The following BDP1 variants were observed in gnomAD, a reference collection of about 807,000 sequenced individuals.
BDP1 encodes the protein BDP1 general transcription factor IIIB subunit, also known as transcription factor TFIIIB component B'' homolog.
BDP1 carries 169 observed loss-of-function variants against 266.6 expected under a neutral mutation model. The observed-to-expected ratio is 0.63, with a 90% confidence interval of 0.56 to 0.72. BDP1 has a LOEUF of 0.72. Ranked by LOEUF, BDP1 falls within the 30% of genes least tolerant of loss-of-function variation. The pLI is 0.00. For missense variants in BDP1, 3,015 were observed against 3,053.8 expected (o/e 0.99, Z 0.30); for synonymous variants, 1,090 against 1,022.4 (o/e 1.07, Z -1.26).
At chr5:71,523,041 G>A in intron 24 of BDP1, 92 bp downstream of exon 24, 1 of 1,034,350 alleles carries the variant, frequency 9.7e-7, no homozygotes, top group South Asian at 1.8e-5. Context: ...ATTTTTGGGT[G>A]TTGAGTCCAT....
At chr5:71,457,320 T>C (rs2150338348) in intron 1 of BDP1, among the ~76,000 whole-genome samples, 1 of 151,854 alleles carries the variant, frequency 6.6e-6, no homozygotes, top group East Asian at 1.9e-4. Context: ...TTTTTTTTTT[T>C]TTTTAATTAG....
chr5:71,516,700 ACAT>A (rs1203388285), intron 21 of BDP1, among the ~76,000 whole-genome samples: 2 of 152,180 alleles, frequency 1.3e-5, no homozygotes, highest in African/African-American at 4.8e-5. Flanking sequence ...TATGTTAGTT[ACAT>A]CATTTTTGCT....
downstream of BDP1, among the ~76,000 whole-genome samples, chr5:71,572,718 C>G (rs1744308702): frequency 6.6e-6 from 1 of 152,128 alleles, no homozygotes; most frequent in Admixed American, 6.5e-5. Flanking sequence ...GTTTCCACGG[C>G]TTATTAAAAC....
chr5:71,509,496 A>T lies in BDP1; in HGVS notation c.2404A>T (p.Asn802Tyr), dbSNP rs1261230785. The change falls in exon 17 of 39, where the codon AAC becomes TAC. Residue 802 changes from asparagine to tyrosine, a missense_variant. Physicochemically the swap from Asn to Tyr is moderately radical, Grantham distance 143 (BLOSUM62 -2). This residue lies in a region of BDP1 where 2,383 missense variants were observed against 2,404.9 expected (regional missense o/e 0.99). Coordinates refer to ENST00000358731, the MANE Select transcript of BDP1 (RefSeq NM_018429.3). ...AGAGAATAATAAGGCAAATAAACTT[A>T]ACCAAGTCCCAATTCTAAGGACTCG... Reference protein sequence around the residue: ...VQENNKANKLNQVPILRTRFQ... With the variant: ...VQENNKANKLYQVPILRTRFQ... The T allele has an allele frequency of 1.3e-6, 2 of 1,590,480 alleles. No individual in the cohort carries two copies. Among genetic ancestry groups the T allele is most frequent in the East Asian group, 2.2e-5 (1 of 44,802 alleles).
intron 13 of BDP1, among the ~76,000 whole-genome samples, chr5:71,498,174 T>C (rs926426006): frequency 6.6e-6 from 1 of 152,144 alleles, no homozygotes; most frequent in Middle Eastern, 3.4e-3. Flanking sequence ...ATGGTCTCTG[T>C]CTCCTGACCT....
At chr5:71,513,461 T>C in intron 19 of BDP1, 54 bp downstream of exon 19, 1 of 1,039,880 alleles carries the variant, frequency 9.6e-7, no homozygotes, top group Admixed American at 2.4e-5. Flanking sequence ...TTTTTTTAAG[T>C]TATTAGGACT....
chr5:71,504,525 T>A, intron 15 of BDP1, 96 bp from the exon 16 acceptor site: 1 of 1,117,174 alleles, frequency 9.0e-7, no homozygotes, highest in Non-Finnish European at 1.3e-6. Flanking sequence ...ATGTTGAATT[T>A]TTTACCATTT....
At chr5:71,513,103 C>A in intron 18 of BDP1, 82 bp from the exon 19 acceptor site, 1 of 880,914 alleles carries the variant, frequency 1.1e-6, no homozygotes, top group Non-Finnish European at 1.8e-6. Context: ...ATGTTTACCG[C>A]CAGTCTCTAA....
chr5:71,491,168 G>A, intron 11 of BDP1, 37 bp downstream of exon 11: 1 of 1,586,830 alleles, frequency 6.3e-7, no homozygotes, highest in Non-Finnish European at 8.6e-7. Context: ...ATCCACATCT[G>A]TTGATTACTG....
rs144265146 is a variant in BDP1 at position 71,480,030 on chromosome 5, C to G, written c.1015-3812C>G. Among the ~76,000 whole-genome samples the G allele has an allele frequency of 3.3e-5, 5 of 152,050 alleles. No homozygotes were observed. The East Asian group carries it at 9.7e-4, about 30-fold the overall frequency. The stretch of plus-strand genomic sequence containing the variant: ...CGTGATCTTGGCTCACTGCAACCTC[C>G]GCCTCCCAGGTTCAATCGATTCTCC... On this transcript the variant is annotated intron_variant, in intron 7 of 38. Coordinates refer to ENST00000358731, the MANE Select transcript of BDP1 (RefSeq NM_018429.3).
At position 71,562,475 on chromosome 5, in the gene BDP1, T is replaced by A. The variant is rs1403277061; in HGVS notation, c.7698T>A (p.Ser2566Arg). Residue 2566 changes from serine (S) to arginine (R), a missense_variant, in exon 38 of 39, where the codon AGT (serine) becomes AGA (arginine). Around this residue, in one of 3 missense-constraint regions of BDP1, gnomAD observed 629 missense variants for 632.5 expected, o/e 0.99. Transcript: ENST00000358731. ...RESSDLLPSP[S>R]VITTQSENIS... ...CCTCTGATCTGCTTCCATCTCCAAGTGTTATTACTACTCAATCTGAGAATA... is the reference window on the plus strand; with the variant it reads ...CCTCTGATCTGCTTCCATCTCCAAGAGTTATTACTACTCAATCTGAGAATA... The A allele has an allele frequency of 6.2e-7, 1 of 1,613,996 alleles. No individual in the cohort carries two copies. Among genetic ancestry groups the A allele is most frequent in the South Asian group, 1.1e-5 (1 of 91,084 alleles).
chr5:71,482,554 G>A (rs1194751133), intron 7 of BDP1, among the ~76,000 whole-genome samples: 2 of 152,094 alleles, frequency 1.3e-5, no homozygotes, highest in Non-Finnish European at 2.9e-5. Context: ...CATGGAATTT[G>A]GCCTGTTACT....
chr5:71,503,377 A>G (rs1216168441), intron 15 of BDP1, among the ~76,000 whole-genome samples: 1 of 152,226 alleles, frequency 6.6e-6, no homozygotes, highest in Non-Finnish European at 1.5e-5. Context: ...CAGCTTTGCT[A>G]GTTGTAAAGC....
chr5:71,535,262 C>T (rs1042701971), intron 26 of BDP1, among the ~76,000 whole-genome samples: 6 of 151,228 alleles, frequency 4.0e-5, no homozygotes, highest in South Asian at 2.1e-4. Flanking sequence ...AGTGCAATGG[C>T]GCAATCTTGG....
At chr5:71,528,012 G>T (rs1273902220) in intron 25 of BDP1, among the ~76,000 whole-genome samples, 1 of 151,924 alleles carries the variant, frequency 6.6e-6, no homozygotes, top group Admixed American at 6.6e-5. Context: ...GTAGAGGTGG[G>T]GTTTCACCAT....
At chr5:71,483,780 A>T (rs1324082703) in intron 7 of BDP1, 62 bp from the exon 8 acceptor site, 1 of 1,251,544 alleles carries the variant, frequency 8.0e-7, no homozygotes, top group Non-Finnish European at 1.2e-6. Context: ...TGCTTACTGC[A>T]TTTAAAAAAA....
chr5:71,463,013 T>A (rs1444548172), intron 3 of BDP1, among the ~76,000 whole-genome samples: 4 of 151,996 alleles, frequency 2.6e-5, no homozygotes, highest in Non-Finnish European at 5.9e-5. Flanking sequence ...CACAGGAGGC[T>A]GAGGTGGGAG....
rs188924364 is a variant in BDP1 at position 71,566,127 on chromosome 5, A to T, written c.*1242A>T. On this transcript the variant is annotated 3_prime_UTR_variant, in exon 39 of 39. Transcript: ENST00000358731. ...TTAGTATATTGACTTTGTACTGTAA[A>T]TTTTTCTGCTTTTCTTGGATAATCT... is the stretch of plus-strand genomic sequence containing the variant. 649 of 157,054 alleles carry T rather than the reference A, an allele frequency of 4.1e-3. 5 individuals are homozygous for T. The highest frequency in any genetic ancestry group is 0.015 in the African/African-American group (613 of 41,506). The allele number at this position is 157,054 out of a possible 1,614,324, so 9.7% of individuals were successfully genotyped here.
intron 7 of BDP1, among the ~76,000 whole-genome samples, chr5:71,482,785 T>C (rs908794645): frequency 1.3e-5 from 2 of 152,218 alleles, no homozygotes; most frequent in Non-Finnish European, 2.9e-5. Flanking sequence ...AGGAAATGTT[T>C]AAATAACAGT....
Sources: gnomAD v4.1 joint callset for allele counts (sites outside exome capture counted in the v4.1 genomes callset) on GRCh38, gnomAD v4.1.1 for gene constraint, gnomAD v4.1.1 regional missense constraint, MANE v1.5 for transcripts, NCBI Gene and HGNC (gene_info 2026-07-23, HGNC 2026-07-21) for gene names.